LPP: variants seen among roughly 807,000 people sequenced by gnomAD.
The protein encoded by LPP is LIM domain containing preferred translocation partner in lipoma, also known as lipoma-preferred partner.
Under a neutral mutation model 60.4 loss-of-function variants are expected in LPP, and 38 were observed. The ratio of observed to expected loss-of-function variants is 0.63; its 90% confidence interval spans 0.49 to 0.83. The LOEUF is 0.83. Among genes scored for constraint, LPP ranks in the 40% least tolerant of loss-of-function variants. The pLI is 0.00. For synonymous variants in LPP, 328 were observed against 290.8 expected, an observed-to-expected ratio of 1.13 and a Z score of -1.30; for missense variants, 902 against 783.6, an observed-to-expected ratio of 1.15 and a Z score of -1.80.
chr3:188,563,460 A>ATGTG (rs59514913), intron 6 of LPP, among the ~76,000 whole-genome samples: 175 of 142,032 alleles, frequency 1.2e-3, no homozygotes, highest in African/African-American at 4.4e-3. Context: ...TTACATATAT[A>ATGTG]TGTGTGTGTG....
intron 2 of LPP, among the ~76,000 whole-genome samples, chr3:188,240,541 G>A (rs538380990): frequency 6.6e-6 from 1 of 152,286 alleles, no homozygotes; most frequent in Non-Finnish European, 1.5e-5. Context: ...AAACTGATGT[G>A]CCTAGAGTAG....
intron 6 of LPP, among the ~76,000 whole-genome samples, chr3:188,591,186 G>T (rs970215931): frequency 1.3e-5 from 2 of 152,150 alleles, no homozygotes; most frequent in African/African-American, 4.8e-5. Context: ...AAATTGTCTA[G>T]CATTTTCTTT....
intron 7 of LPP, among the ~76,000 whole-genome samples, chr3:188,640,617 A>C (rs1286092616): frequency 6.6e-6 from 1 of 151,716 alleles, no homozygotes; most frequent in Non-Finnish European, 1.5e-5. Flanking sequence ...TGAAAATCCA[A>C]CCTGTGCAAT....
chr3:188,396,236 A>C (rs1316368548), intron 3 of LPP, among the ~76,000 whole-genome samples: 1 of 152,250 alleles, frequency 6.6e-6, no homozygotes, highest in Non-Finnish European at 1.5e-5. Context: ...GGAAAAATTA[A>C]GAATTTCTAC....
Position 188,889,875 on chromosome 3 carries a change from C to T in LPP, c.*15396C>T. The T allele has an allele frequency of 4.7e-6, 1 of 212,650 alleles. No homozygotes were observed. Among genetic ancestry groups the T allele is most frequent in the Non-Finnish European group, 9.5e-6 (1 of 104,958 alleles). The allele number at this position is 212,650 out of a possible 1,614,324, so 13.2% of individuals were successfully genotyped here. On this transcript the variant is annotated 3_prime_UTR_variant, in exon 12 of 12. Transcript: ENST00000617246. ...GTTCCTTTTCTGTTTTTACCTTGTC[C>T]AATTTCCACACTAGTCATTTTTTTT...
intron 8 of LPP, among the ~76,000 whole-genome samples, chr3:188,757,781 C>G (rs1410785316): frequency 2.0e-5 from 3 of 151,622 alleles, no homozygotes; most frequent in African/African-American, 7.3e-5. Context: ...CTCCTAATCC[C>G]TAATTCGTTT....
At chr3:188,749,490 A>T (rs541343817) in intron 8 of LPP, among the ~76,000 whole-genome samples, 2 of 152,348 alleles carry the variant, frequency 1.3e-5, no homozygotes, top group South Asian at 4.1e-4. Context: ...ACGGTAAAAC[A>T]GAATCCCGAG....
chr3:188,753,007 GTTAAT>G (rs1236586200), intron 8 of LPP, among the ~76,000 whole-genome samples: 1 of 152,204 alleles, frequency 6.6e-6, no homozygotes, highest in African/African-American at 2.4e-5. Flanking sequence ...CCCTGCAGGT[GTTAAT>G]GGGTTCTGCT....
chr3:188,313,689 T>C (rs965907751), intron 2 of LPP, among the ~76,000 whole-genome samples: 1 of 151,874 alleles, frequency 6.6e-6, no homozygotes, highest in African/African-American at 2.4e-5. Context: ...GTTGATATAC[T>C]TATGAGGTTT....
At chr3:188,663,624 A>G (rs890283955) in intron 7 of LPP, among the ~76,000 whole-genome samples, 1 of 152,148 alleles carries the variant, frequency 6.6e-6, no homozygotes, top group African/African-American at 2.4e-5. Context: ...CCATCTTCTG[A>G]CCCAAAGAGA....
chr3:188,250,523 T>A (rs541834790), intron 2 of LPP, among the ~76,000 whole-genome samples: 83 of 152,338 alleles, frequency 5.4e-4, no homozygotes, highest in South Asian at 2.5e-3. Flanking sequence ...ACTTTATTCT[T>A]GCTCCTTATC....
intron 2 of LPP, among the ~76,000 whole-genome samples, chr3:188,325,497 C>T (rs1479830057): frequency 6.6e-6 from 1 of 152,172 alleles, no homozygotes; most frequent in South Asian, 2.1e-4. Flanking sequence ...ACATACCCCC[C>T]TCCCCATCAT....
At chr3:188,644,833 G>A (rs1345324208) in intron 7 of LPP, among the ~76,000 whole-genome samples, 1 of 152,188 alleles carries the variant, frequency 6.6e-6, no homozygotes, top group East Asian at 1.9e-4. Flanking sequence ...TCTATTACAA[G>A]GTAGCTGTGG....
chr3:188,455,581 A>G (rs1797557047), intron 4 of LPP, among the ~76,000 whole-genome samples: 1 of 152,194 alleles, frequency 6.6e-6, no homozygotes, highest in South Asian at 2.1e-4. Context: ...CGAGACAGAG[A>G]CTGTGATTGA....
intron 5 of LPP, among the ~76,000 whole-genome samples, chr3:188,489,369 G>A (rs1378461407): frequency 6.6e-6 from 1 of 152,134 alleles, no homozygotes; most frequent in Non-Finnish European, 1.5e-5. Context: ...CTGGAGAGAG[G>A]CAAGAAGGAT....
At chr3:188,203,734 G>T (rs1732356231) in intron 1 of LPP, among the ~76,000 whole-genome samples, 1 of 149,476 alleles carries the variant, frequency 6.7e-6, no homozygotes, top group Non-Finnish European at 1.5e-5. Flanking sequence ...TTCTGCCTTG[G>T]CCTCCCAAAG....
chr3:188,245,366 C>T (rs547406079), intron 2 of LPP, among the ~76,000 whole-genome samples: 1 of 152,170 alleles, frequency 6.6e-6, no homozygotes, highest in African/African-American at 2.4e-5. Context: ...CTGCCTCGGC[C>T]TCCCAAAGTG....
intron 3 of LPP, among the ~76,000 whole-genome samples, chr3:188,359,498 A>G (rs1436746480): frequency 6.6e-6 from 1 of 152,128 alleles, no homozygotes; most frequent in African/African-American, 2.4e-5. Context: ...TATCTTTTTT[A>G]TTCTTTCACC....
rs1560159080 is a variant in LPP at position 188,250,824 on chromosome 3, T to TTC, written c.-67+25298_-67+25299insCT. 1.6e-4 allele frequency among the ~76,000 whole-genome samples: 23 copies of TTC among 141,278 alleles called. 1 individual carries two copies. The highest frequency in any genetic ancestry group is 5.6e-4 in the African/African-American group (20 of 36,022). The allele number at this position is 141,278 out of a possible 152,430, so 92.7% of individuals were successfully genotyped here. A position where few individuals can be genotyped will look rare whatever the true frequency, so the allele number is the denominator to read the frequency against. ...TCTTTCTTTCTCTTTCTTTCTTTCTTTTTCTTTCTTTCTTTTCTTTTTCTC... is the reference window on the plus strand; with the variant it reads ...TCTTTCTTTCTCTTTCTTTCTTTCTTTCTTTCTTTCTTTCTTTTCTTTTTCTC... On this transcript the variant is annotated intron_variant, in intron 2 of 11. Coordinates refer to ENST00000617246, the MANE Select transcript of LPP (RefSeq NM_001375462.1).
Sources: allele counts gnomAD v4.1 joint callset (sites outside exome capture counted in the v4.1 genomes callset), GRCh38; gene constraint gnomAD v4.1.1; transcripts MANE v1.5; gene names NCBI Gene and HGNC (gene_info 2026-07-23, HGNC 2026-07-21).